Variants in OLFM3 observed in about 807,000 individuals in gnomAD.
OLFM3 encodes noelin-3.
A neutral mutation model predicts 48.6 loss-of-function variants in OLFM3; 20 were observed. The observed-to-expected ratio is 0.41, with a 90% CI of 0.29 to 0.60. The LOEUF (loss-of-function observed/expected upper bound fraction) is 0.60, where lower values mean the gene tolerates loss of function less well. OLFM3 is among the 20% of genes least tolerant of loss of function. The pLI is 0.28. For missense variants in OLFM3, 437 were observed against 544.3 expected, an observed-to-expected ratio of 0.80 and a Z score of 1.96; for synonymous variants, 222 against 198.1, an observed-to-expected ratio of 1.12 and a Z score of -1.01.
intron 1 of OLFM3, among the ~76,000 whole-genome samples, chr1:101,898,724 C>T (rs1429277411): frequency 6.6e-6 from 1 of 152,012 alleles, no homozygotes; most frequent in African/African-American, 2.4e-5. Context: ...TGACATGTGC[C>T]TGTAGTCCCA....
At chr1:101,903,105 A>C (rs144559119) in intron 1 of OLFM3, among the ~76,000 whole-genome samples, 1 of 152,164 alleles carries the variant, frequency 6.6e-6, no homozygotes, top group Non-Finnish European at 1.5e-5. Flanking sequence ...TAATTTCATG[A>C]CTTGGAAACA....
intron 1 of OLFM3, chr1:101,846,891 G>A (rs1557700757): frequency 2.5e-6 from 4 of 1,612,656 alleles, no homozygotes; most frequent in Non-Finnish European, 3.4e-6. Flanking sequence ...TCCCACCAAG[G>A]ATGGGAGAGT....
At chr1:101,889,447 A>G (rs919347323) in intron 1 of OLFM3, among the ~76,000 whole-genome samples, 2 of 152,170 alleles carry the variant, frequency 1.3e-5, no homozygotes, top group South Asian at 4.1e-4. Flanking sequence ...GTGGGAATTG[A>G]ACAATGAGAA....
At chr1:101,836,281 T>C (rs1401899329) in intron 2 of OLFM3, among the ~76,000 whole-genome samples, 1 of 152,182 alleles carries the variant, frequency 6.6e-6, no homozygotes, top group East Asian at 1.9e-4. Context: ...TAAATAACCT[T>C]TCATGAGCTC....
At chr1:101,964,712 T>C (rs1253788860) in intron 1 of OLFM3, among the ~76,000 whole-genome samples, 2 of 152,216 alleles carry the variant, frequency 1.3e-5, no homozygotes, top group East Asian at 1.9e-4. Flanking sequence ...TCCTTGCAAG[T>C]AGATTCTTTC....
intron 1 of OLFM3, among the ~76,000 whole-genome samples, chr1:101,873,187 A>G (rs1043437815): frequency 6.6e-6 from 1 of 151,910 alleles, no homozygotes; most frequent in Non-Finnish European, 1.5e-5. Flanking sequence ...GAGCATGAGA[A>G]GAGTGCCGTG....
chr1:101,934,620 G>T (rs1357151878), intron 1 of OLFM3, among the ~76,000 whole-genome samples: 1 of 151,728 alleles, frequency 6.6e-6, no homozygotes, highest in East Asian at 1.9e-4. Flanking sequence ...GACCAAATAG[G>T]CTTAACAGAC....
intron 3 of OLFM3, among the ~76,000 whole-genome samples, chr1:101,828,768 C>T (rs1402304793): frequency 6.6e-6 from 1 of 152,170 alleles, no homozygotes; most frequent in Non-Finnish European, 1.5e-5. Flanking sequence ...TCCTCTCCTC[C>T]TGACTAGTTC....
At chr1:101,887,900 C>A (rs780212142) in intron 1 of OLFM3, among the ~76,000 whole-genome samples, 18 of 151,296 alleles carry the variant, frequency 1.2e-4, no homozygotes, top group African/African-American at 3.9e-4. Flanking sequence ...AACATAAATG[C>A]CAATCAATAA....
intron 1 of OLFM3, among the ~76,000 whole-genome samples, chr1:101,883,504 A>G (rs1256320623): frequency 1.3e-5 from 2 of 151,908 alleles, no homozygotes; most frequent in Middle Eastern, 3.4e-3. Context: ...CCTATTGTAT[A>G]TTTCAGAATC....
intron 1 of OLFM3, among the ~76,000 whole-genome samples, chr1:101,943,732 T>A (rs1659864026): frequency 6.6e-6 from 1 of 152,202 alleles, no homozygotes; most frequent in African/African-American, 2.4e-5. Flanking sequence ...GATGTATGTA[T>A]CTATATATTT....
chr1:101,846,980 G>A, intron 1 of OLFM3: 1 of 1,609,692 alleles, frequency 6.2e-7, no homozygotes. Context: ...TCATTGCTGT[G>A]GAGCTAATGA....
intron 1 of OLFM3, among the ~76,000 whole-genome samples, chr1:101,906,783 G>T (rs1998978): frequency 0.42 from 63,874 of 151,816 alleles, 13,639 homozygotes; most frequent in East Asian, 0.59. Flanking sequence ...CTCATTCAGT[G>T]GACTATCATC....
intron 1 of OLFM3, among the ~76,000 whole-genome samples, chr1:101,928,055 T>G (rs1056295430): frequency 6.6e-6 from 1 of 152,060 alleles, no homozygotes; most frequent in African/African-American, 2.4e-5. Flanking sequence ...TATTTCACAG[T>G]GCCTGCCTCA....
intron 1 of OLFM3, among the ~76,000 whole-genome samples, chr1:101,874,520 G>A (rs1657219841): frequency 6.7e-6 from 1 of 150,060 alleles, no homozygotes. Flanking sequence ...TAACAGCAGT[G>A]ACAAATATTT....
rs149648138 is a variant in OLFM3, at chr1:101,982,913, T to TAC, written c.69+13833_69+13834dup. ...CTCTGTCTCTGTCTTTCTTTGTTTT[T>TAC]ACACACACACACACACACAATTTAT... is the stretch of plus-strand genomic sequence containing the variant. On this transcript the variant is annotated intron_variant, in intron 1 of 5. Coordinates refer to ENST00000370103, the MANE Select transcript of OLFM3 (RefSeq NM_058170.4). Among the ~76,000 whole-genome samples, 1,479 of 150,890 alleles carry TAC rather than the reference T, an allele frequency of 9.8e-3. 20 individuals carry two copies. The highest frequency in any genetic ancestry group is 0.032 in the African/African-American group (1,326 of 41,108).
At chr1:101,879,373 C>A (rs1401958940) in intron 1 of OLFM3, among the ~76,000 whole-genome samples, 3 of 151,758 alleles carry the variant, frequency 2.0e-5, no homozygotes, top group African/African-American at 7.3e-5. Context: ...AGAAATTATT[C>A]CTTACAATAA....
At chr1:101,851,538 G>C (rs1250959074) in intron 1 of OLFM3, among the ~76,000 whole-genome samples, 1 of 152,106 alleles carries the variant, frequency 6.6e-6, no homozygotes, top group African/African-American at 2.4e-5. Context: ...AGTATATGCT[G>C]TCTTGCAATT....
At chr1:101,838,151 C>T (rs1459398224) in intron 1 of OLFM3, among the ~76,000 whole-genome samples, 1 of 152,110 alleles carries the variant, frequency 6.6e-6, no homozygotes, top group Non-Finnish European at 1.5e-5. Flanking sequence ...CTCTGCTTCT[C>T]ACGTTCAAGC....
Sources: gnomAD v4.1 joint callset for allele counts (sites outside exome capture counted in the v4.1 genomes callset) on GRCh38, gnomAD v4.1.1 for gene constraint, MANE v1.5 for transcripts, NCBI Gene and HGNC (gene_info 2026-07-23, HGNC 2026-07-21) for gene names.